The following CCDC7 variants were observed in gnomAD, a reference collection of about 807,000 sequenced individuals.
CCDC7 encodes coiled-coil domain containing 7, also known as coiled-coil domain-containing protein 7.
A neutral mutation model predicts 196.9 loss-of-function variants in CCDC7; 183 were observed. That is an observed-to-expected ratio of 0.93 (90% confidence interval 0.82 to 1.05). CCDC7 has a LOEUF of 1.05. Ranked by LOEUF, CCDC7 falls within the 50% of genes least tolerant of loss-of-function variation. The pLI is 0.00. For missense variants in CCDC7, 1,540 were observed against 1,482.2 expected (o/e 1.04, Z -0.64); for synonymous variants, 525 against 484.6 (o/e 1.08, Z -1.10).
intron 9 of CCDC7, among the ~76,000 whole-genome samples, chr10:32,497,260 C>A (rs752115503): frequency 6.6e-6 from 1 of 151,966 alleles, no homozygotes; most frequent in Admixed American, 6.6e-5. Context: ...TTTTTTATTG[C>A]GTCTGTTTGA....
intron 9 of CCDC7, among the ~76,000 whole-genome samples, chr10:32,496,055 C>G (rs540542279): frequency 1.4e-4 from 21 of 152,110 alleles, no homozygotes; most frequent in African/African-American, 4.8e-4. Flanking sequence ...TGTTTGTTTC[C>G]TCTCTTATTT....
At chr10:32,709,473 A>AAAAT (rs1032429576) in intron 24 of CCDC7, among the ~76,000 whole-genome samples, 2 of 152,266 alleles carry the variant, frequency 1.3e-5, no homozygotes, top group Non-Finnish European at 1.5e-5. Flanking sequence ...GTATAATAAA[A>AAAAT]AAATAAATAA....
At chr10:32,872,545 G>T (rs2094466212) in intron 41 of CCDC7, among the ~76,000 whole-genome samples, 1 of 152,002 alleles carries the variant, frequency 6.6e-6, no homozygotes, top group African/African-American at 2.4e-5. Flanking sequence ...TACATTTAAG[G>T]TTAATATTGT....
At chr10:32,741,478 A>G (rs183649587) in intron 28 of CCDC7, among the ~76,000 whole-genome samples, 1 of 152,318 alleles carries the variant, frequency 6.6e-6, no homozygotes, top group East Asian at 1.9e-4. Flanking sequence ...AAATCTGCAC[A>G]TAGTCAAGTC....
rs920299052 is a variant in CCDC7, at chr10:32,714,637, G to T, written c.2569+2907G>T. The stretch of plus-strand genomic sequence containing the variant: ...TCCCACCCTCACAGAGCCCAACTGA[G>T]ATCCACTGGCTTGAAATTCTCGCAG... On this transcript the variant is annotated intron_variant, in intron 25 of 41. Coordinates refer to ENST00000639629, the Ensembl canonical transcript of CCDC7. Among the ~76,000 whole-genome samples, 3 of 152,196 alleles carry T rather than the reference G, an allele frequency of 2.0e-5. No individual in the cohort carries two copies. In the South Asian group the frequency reaches 6.2e-4, roughly 32 times the overall value.
chr10:32,611,031 T>C (rs1396826955), intron 18 of CCDC7, among the ~76,000 whole-genome samples: 1 of 152,214 alleles, frequency 6.6e-6, no homozygotes, highest in Non-Finnish European at 1.5e-5. Context: ...TAATTGACAC[T>C]CCCACCAATG....
chr10:32,650,078 A>C (rs536411515), intron 20 of CCDC7, among the ~76,000 whole-genome samples: 1 of 152,178 alleles, frequency 6.6e-6, no homozygotes, highest in South Asian at 2.1e-4. Context: ...AGGCAAGGCG[A>C]CATTCTGGCT....
intron 11 of CCDC7, among the ~76,000 whole-genome samples, chr10:32,520,547 C>T (rs1362111958): frequency 6.6e-6 from 1 of 152,002 alleles, no homozygotes; most frequent in Non-Finnish European, 1.5e-5. Context: ...GAATCTTTTA[C>T]CCATTTTTAA....
intron 32 of CCDC7, among the ~76,000 whole-genome samples, chr10:32,826,920 G>T (rs1464447453): frequency 6.6e-6 from 1 of 152,240 alleles, no homozygotes; most frequent in African/African-American, 2.4e-5. Flanking sequence ...CCAATAGTTT[G>T]TCTGGATGGT....
intron 32 of CCDC7, among the ~76,000 whole-genome samples, chr10:32,828,291 T>G (rs2091446151): frequency 6.6e-6 from 1 of 151,904 alleles, no homozygotes; most frequent in Non-Finnish European, 1.5e-5. Flanking sequence ...AAACTGTAAT[T>G]CAATTACCTT....
intron 21 of CCDC7, among the ~76,000 whole-genome samples, chr10:32,668,477 G>T (rs866266933): frequency 1.3e-5 from 2 of 151,874 alleles, no homozygotes; most frequent in South Asian, 2.1e-4. Context: ...TCCAGTTTTT[G>T]CCCATTCAGT....
At chr10:32,708,710 A>G (rs1337774943) in intron 24 of CCDC7, among the ~76,000 whole-genome samples, 2 of 152,248 alleles carry the variant, frequency 1.3e-5, no homozygotes, top group Non-Finnish European at 2.9e-5. Flanking sequence ...GCCAAAAAAC[A>G]CATGAAAAAA....
chr10:32,553,322 C>T (rs1398492980), intron 13 of CCDC7, among the ~76,000 whole-genome samples: 2 of 152,096 alleles, frequency 1.3e-5, no homozygotes, highest in Middle Eastern at 3.4e-3. Flanking sequence ...TCTCCCTTCA[C>T]TTGTTGTATC....
chr10:32,683,408 G>T (rs1251609563), intron 21 of CCDC7, among the ~76,000 whole-genome samples: 1 of 152,188 alleles, frequency 6.6e-6, no homozygotes, highest in Non-Finnish European at 1.5e-5. Flanking sequence ...TTGTAGAGTA[G>T]TTTGAAATTC....
intron 20 of CCDC7, among the ~76,000 whole-genome samples, chr10:32,638,608 G>A (rs2066111711): frequency 1.3e-5 from 2 of 152,116 alleles, no homozygotes; most frequent in Non-Finnish European, 2.9e-5. Flanking sequence ...TAAGCTTTCT[G>A]ATGTGCTTCT....
intron 9 of CCDC7, chr10:32,499,242 T>C (rs2043457122): frequency 6.6e-6 from 1 of 152,190 alleles, no homozygotes; most frequent in Non-Finnish European, 1.5e-5. Flanking sequence ...TCATCTTTCT[T>C]CCAGATTTGC....
At chr10:32,471,275 G>A (rs1188789740) in intron 6 of CCDC7, 45 bp downstream of exon 7, 1 of 1,583,270 alleles carries the variant, frequency 6.3e-7, no homozygotes, top group East Asian at 2.3e-5. Flanking sequence ...CAGTAAGAAA[G>A]GGTATATAAT....
At chr10:32,513,468 T>A (rs919982764) in intron 9 of CCDC7, 4 of 151,958 alleles carry the variant, frequency 2.6e-5, no homozygotes, top group Admixed American at 1.3e-4. Context: ...AATTAAAGAG[T>A]TCACACTTCT....
At chr10:32,873,599 T>G (rs1005633736) in intron 41 of CCDC7, among the ~76,000 whole-genome samples, 1 of 151,952 alleles carries the variant, frequency 6.6e-6, no homozygotes, top group African/African-American at 2.4e-5. Context: ...TGGAATAGTC[T>G]GTACCACATT....
Sources: allele counts gnomAD v4.1 joint callset (sites outside exome capture counted in the v4.1 genomes callset), GRCh38; gene constraint gnomAD v4.1.1; transcripts MANE v1.5; gene names NCBI Gene and HGNC (gene_info 2026-07-23, HGNC 2026-07-21).